MPC2: variants seen among roughly 807,000 people sequenced by gnomAD.
MPC2 encodes mitochondrial pyruvate carrier 2, also known as brain protein 44.
A neutral mutation model predicts 19.2 loss-of-function variants in MPC2; 19 were observed. That is an observed-to-expected ratio of 0.99 (90% CI 0.69 to 1.45). The LOEUF (loss-of-function observed/expected upper bound fraction) is 1.45. Among genes scored for constraint, MPC2 ranks in the 40% most tolerant of loss-of-function variants. The pLI, the probability that MPC2 is intolerant of heterozygous loss-of-function variation, is 0.00. For missense variants in MPC2, 122 were observed against 153.0 expected (o/e 0.80, Z 1.07); for synonymous variants, 61 against 54.3 (o/e 1.12, Z -0.54).
chr1:167,918,400 T>C (rs1181945095), intron 5 of MPC2, 41 bp from the exon 6 acceptor site: 10 of 1,298,616 alleles, frequency 7.7e-6, no homozygotes, highest in Admixed American at 1.9e-5. Context: ...TCAATAATAA[T>C]AGACAAATTT....
chr1:167,921,689 T>C (rs2102531154), intron 3 of MPC2, among the ~76,000 whole-genome samples: 1 of 152,316 alleles, frequency 6.6e-6, no homozygotes, highest in Non-Finnish European at 1.5e-5. Context: ...CAGTTTTACT[T>C]GTTAATGTAA....
rs1332260944 is a variant in MPC2, at chr1:167,936,843, G to C, written c.-58+96C>G. 1.2e-5 allele frequency: 16 copies of C among 1,347,810 alleles called. No homozygotes were observed. In the South Asian group the frequency reaches 1.9e-4, roughly 16 times the overall value. The allele number at this position is 1,347,810 out of a possible 1,614,324, so 83.5% of individuals were successfully genotyped here. A position where few individuals can be genotyped will look rare whatever the true frequency, so the allele number is the denominator to read the frequency against. On this transcript the variant is annotated intron_variant, in intron 1 of 5. Transcript: ENST00000271373. The stretch of plus-strand genomic sequence containing the variant: ...GCCGGTGCGGCTCGGGTGTTGAAAC[G>C]GGTGTCCCCTCCCCCTCCTCCCCTC...
At chr1:167,934,022 G>T (rs1195239064) in intron 2 of MPC2, among the ~76,000 whole-genome samples, 4 of 152,206 alleles carry the variant, frequency 2.6e-5, no homozygotes, top group Non-Finnish European at 5.9e-5. Context: ...ACACAGCCAA[G>T]ACTGAAACGT....
chr1:167,922,456 A>T (rs1670625298), intron 3 of MPC2, among the ~76,000 whole-genome samples: 1 of 152,144 alleles, frequency 6.6e-6, no homozygotes, highest in Non-Finnish European at 1.5e-5. Flanking sequence ...TTAATGATTG[A>T]ATACTTCAGC....
chr1:167,928,266 T>G (rs1370345371), intron 2 of MPC2, among the ~76,000 whole-genome samples: 1 of 146,768 alleles, frequency 6.8e-6, no homozygotes, highest in Admixed American at 6.9e-5. Flanking sequence ...GAGAATGGCG[T>G]GAAGCCGGGA....
Position 167,916,776 on chromosome 1 carries a change from A to G in MPC2, c.*1547T>C, listed in dbSNP as rs1670458974. 1 of 150,258 alleles carries G rather than the reference A, an allele frequency of 6.7e-6. No individual in the cohort carries two copies. The highest frequency in any genetic ancestry group is 1.9e-4 in the East Asian group (1 of 5,206). The allele number at this position is 150,258 out of a possible 1,614,324, so 9.3% of individuals were successfully genotyped here. On this transcript the variant is annotated 3_prime_UTR_variant, in exon 6 of 6. Transcript: ENST00000271373. ...TTTTTGTGTCTATGTCATATTTCAT[A>G]ATGTTTTTCCTAAATGCTTAACCTA...
intron 2 of MPC2, among the ~76,000 whole-genome samples, chr1:167,933,024 T>C (rs181859186): frequency 7.4e-4 from 113 of 152,166 alleles, no homozygotes; most frequent in Admixed American, 1.9e-3. Context: ...TGGCTAGAAC[T>C]CTATTCCTTC....
At chr1:167,920,706 A>C in intron 3 of MPC2, 75 bp from the exon 4 acceptor site, 3 of 1,432,072 alleles carry the variant, frequency 2.1e-6, no homozygotes, top group Non-Finnish European at 2.8e-6. Flanking sequence ...ATCAAGCACA[A>C]GACATTTTTG....
Position 167,925,472 on chromosome 1 carries a change from T to TATATATATATAC in MPC2, c.110-936_110-935insGTATATATATAT, listed in dbSNP as rs1557854114. 5.9e-5 allele frequency among the ~76,000 whole-genome samples: 6 copies of TATATATATATAC among 102,038 alleles called. No homozygotes were observed. The South Asian group carries it at 1.7e-3, about 29-fold the overall frequency. 66.9% of individuals were successfully genotyped at this position (102,038 alleles called of 152,430 possible). On this transcript the variant is annotated intron_variant, in intron 2 of 5. Coordinates refer to ENST00000271373, the MANE Select transcript of MPC2 (RefSeq NM_001143674.4). Reference sequence around the variant, plus strand: ...ATATATATATATATATATATATATATATACATATACATATACACACACATA... The same window carrying TATATATATATAC: ...ATATATATATATATATATATATATATATATATATATACATACATATACATATACACACACATA...
rs184192782 is a variant in MPC2 at position 167,930,626 on chromosome 1, T to A, written c.109+5107A>T. 9.5e-3 allele frequency among the ~76,000 whole-genome samples: 1,449 copies of A among 152,316 alleles called. 23 individuals carry two copies. The highest frequency in any genetic ancestry group is 0.033 in the African/African-American group (1,354 of 41,556). ...AGGAAAGTCCAAGCTCCCTCATTTT[T>A]ATAAATGAAAAAGATGAGGCACTTA... is the stretch of plus-strand genomic sequence containing the variant. On this transcript the variant is annotated intron_variant, in intron 2 of 5. Coordinates refer to ENST00000271373, the MANE Select transcript of MPC2 (RefSeq NM_001143674.4).
intron 2 of MPC2, among the ~76,000 whole-genome samples, chr1:167,930,894 T>C (rs1670887809): frequency 6.6e-6 from 1 of 152,242 alleles, no homozygotes. Flanking sequence ...AAAGTTAGTT[T>C]AAAAGCAGGA....
At position 167,917,961 on chromosome 1, in the gene MPC2, G is replaced by A. The variant is rs1242826691; in HGVS notation, c.*362C>T. On this transcript the variant is annotated 3_prime_UTR_variant, in exon 6 of 6. Coordinates refer to ENST00000271373, the MANE Select transcript of MPC2 (RefSeq NM_001143674.4). ...TCCTTTCACTTATAGCTAGCTACCT[G>A]ACCATCCTACACTAAATAAGCAGAT... 2 of 166,576 alleles carry A rather than the reference G, an allele frequency of 1.2e-5. No homozygotes were observed. The highest frequency in any genetic ancestry group is 4.8e-5 in the African/African-American group (2 of 42,010). The allele number at this position is 166,576 out of a possible 1,614,324, so 10.3% of individuals were successfully genotyped here.
chr1:167,935,692 A>C, intron 2 of MPC2, 41 bp downstream of exon 2: 1 of 1,512,832 alleles, frequency 6.6e-7, no homozygotes, highest in Non-Finnish European at 9.0e-7. Context: ...AGAGGAAGCG[A>C]GAAGGAAGGT....
Position 167,918,170 on chromosome 1 carries a change from G to C in MPC2, c.*153C>G. The C allele has an allele frequency of 1.8e-6, 1 of 567,962 alleles. No individual in the cohort carries two copies. The highest frequency in any genetic ancestry group is 2.6e-5 in the South Asian group (1 of 39,016). 35.2% of individuals were successfully genotyped at this position (567,962 alleles called of 1,614,324 possible). On this transcript the variant is annotated 3_prime_UTR_variant, in exon 6 of 6. Transcript: ENST00000271373. Reference sequence around the variant, plus strand: ...TCATGTAGAGAGACTGTTATTAAAAGTTTGCTGCATTTTTCTATTGAATCA... The same window carrying C: ...TCATGTAGAGAGACTGTTATTAAAACTTTGCTGCATTTTTCTATTGAATCA...
chr1:167,924,221 T>G (rs1670674030), intron 3 of MPC2, among the ~76,000 whole-genome samples: 1 of 152,198 alleles, frequency 6.6e-6, no homozygotes, highest in Non-Finnish European at 1.5e-5. Context: ...TAATAACATT[T>G]TAGAATGAAA....
chr1:167,930,455 A>G (rs1670875858), intron 2 of MPC2, among the ~76,000 whole-genome samples: 1 of 152,208 alleles, frequency 6.6e-6, no homozygotes, highest in South Asian at 2.1e-4. Context: ...TAATCCAACA[A>G]GGATAAAAAA....
intron 2 of MPC2, among the ~76,000 whole-genome samples, chr1:167,932,180 T>A (rs190535517): frequency 6.6e-6 from 1 of 152,350 alleles, no homozygotes; most frequent in African/African-American, 2.4e-5. Flanking sequence ...TTAGACTCTT[T>A]AGAGCTGTGG....
chr1:167,930,704 T>C (rs1356487691), intron 2 of MPC2, among the ~76,000 whole-genome samples: 5 of 152,240 alleles, frequency 3.3e-5, no homozygotes, highest in Non-Finnish European at 7.3e-5. Flanking sequence ...GAGCAACGAC[T>C]AGAACACAGT....
chr1:167,924,313 A>C (rs1670676709), intron 3 of MPC2, 184 bp downstream of exon 3: 1 of 456,276 alleles, frequency 2.2e-6, no homozygotes, highest in Admixed American at 4.4e-5. Flanking sequence ...AAGAGTTCAG[A>C]AAAACTAAAG....
Sources: allele counts gnomAD v4.1 joint callset (sites outside exome capture counted in the v4.1 genomes callset), GRCh38; gene constraint gnomAD v4.1.1; transcripts MANE v1.5; gene names NCBI Gene and HGNC (gene_info 2026-07-23, HGNC 2026-07-21).